GPC6: variants seen among roughly 807,000 people sequenced by gnomAD.
GPC6 encodes the protein glypican-6.
A neutral mutation model predicts 55.2 loss-of-function variants in GPC6; 14 were observed. The ratio of observed to expected loss-of-function variants is 0.25; its 90% CI spans 0.17 to 0.40. GPC6 has a LOEUF of 0.40. Ranked by LOEUF, GPC6 falls within the 10% of genes least tolerant of loss-of-function variation. GPC6 has a pLI of 1.00. For missense variants in GPC6, 641 were observed against 708.5 expected, an observed-to-expected ratio of 0.90 and a Z score of 1.08; for synonymous variants, 278 against 259.6, an observed-to-expected ratio of 1.07 and a Z score of -0.68.
chr13:94,036,693 A>G (rs1385182171), intron 4 of GPC6, among the ~76,000 whole-genome samples: 1 of 152,034 alleles, frequency 6.6e-6, no homozygotes, highest in African/African-American at 2.4e-5. Flanking sequence ...AAGAGCTGGT[A>G]GAGTTTTCAG....
intron 2 of GPC6, among the ~76,000 whole-genome samples, chr13:93,654,656 T>C (rs1489186319): frequency 6.6e-6 from 1 of 152,176 alleles, no homozygotes; most frequent in Non-Finnish European, 1.5e-5. Context: ...CTATGATTTC[T>C]GTAGTTAGAA....
At chr13:94,104,841 T>C (rs1885995990) in intron 4 of GPC6, among the ~76,000 whole-genome samples, 1 of 152,030 alleles carries the variant, frequency 6.6e-6, no homozygotes. Context: ...GGAAGAACAT[T>C]CCATGCTCAT....
At chr13:93,976,529 G>C (rs1880525391) in intron 3 of GPC6, among the ~76,000 whole-genome samples, 2 of 151,648 alleles carry the variant, frequency 1.3e-5, no homozygotes, top group Admixed American at 6.6e-5. Context: ...TAAAAGAAAT[G>C]TATAAAGGGA....
intron 3 of GPC6, among the ~76,000 whole-genome samples, chr13:93,873,941 C>A (rs1303976361): frequency 1.3e-5 from 2 of 151,954 alleles, no homozygotes. Context: ...CTCCACTGCT[C>A]CACCTTACTC....
intron 1 of GPC6, among the ~76,000 whole-genome samples, chr13:93,439,709 T>TG (rs1348123137): frequency 5.2e-4 from 78 of 149,520 alleles, no homozygotes; most frequent in African/African-American, 1.9e-3. Flanking sequence ...TAAAATAAAA[T>TG]AAAATAAAAT....
chr13:94,144,381 C>T (rs905606569), intron 4 of GPC6, among the ~76,000 whole-genome samples: 1 of 149,542 alleles, frequency 6.7e-6, no homozygotes, highest in African/African-American at 2.5e-5. Flanking sequence ...GGCCTCTACT[C>T]TTTGCCTCTT....
At chr13:93,994,501 A>G (rs1881450141) in intron 3 of GPC6, among the ~76,000 whole-genome samples, 1 of 152,174 alleles carries the variant, frequency 6.6e-6, no homozygotes, top group African/African-American at 2.4e-5. Flanking sequence ...AAACCAGGTT[A>G]GGAATTATTG....
At chr13:93,219,151 T>C in the GPC6 span, among the ~76,000 whole-genome samples, 31 of 151,380 alleles carry the variant, frequency 2.0e-4, 1 homozygote, top group South Asian at 4.2e-3. Flanking sequence ...TGGAGTGCAG[T>C]GGTATGATCT....
chr13:93,737,896 T>C (rs942931816), intron 2 of GPC6, among the ~76,000 whole-genome samples: 1 of 152,072 alleles, frequency 6.6e-6, no homozygotes, highest in African/African-American at 2.4e-5. Flanking sequence ...AGCAGAAGTA[T>C]GTTTTTAAAA....
At chr13:94,137,625 GGT>G (rs1887230269) in intron 4 of GPC6, among the ~76,000 whole-genome samples, 1 of 152,046 alleles carries the variant, frequency 6.6e-6, no homozygotes, top group African/African-American at 2.4e-5. Flanking sequence ...ATACTGTGAT[GGT>G]TGCTATATGA....
At chr13:94,329,940 T>C (rs529537747) in intron 6 of GPC6, among the ~76,000 whole-genome samples, 5 of 152,326 alleles carry the variant, frequency 3.3e-5, no homozygotes, top group African/African-American at 9.6e-5. Context: ...TTTCATCATG[T>C]AGTGATTCAT....
rs79655767 is a variant in GPC6, at chr13:93,693,279, G to A, written c.320-136875G>A. 8.6e-3 allele frequency among the ~76,000 whole-genome samples: 1,303 copies of A among 152,120 alleles called. 23 individuals are homozygous for A. The highest frequency in any genetic ancestry group is 0.024 in the African/African-American group (982 of 41,508). On this transcript the variant is annotated intron_variant, in intron 2 of 8. Transcript: ENST00000377047. ...AAATAACAATCAAGGTAATTAATACGTCTAAAACAGTAAAGGTAGTTTAAA... is the reference window on the plus strand; with the variant it reads ...AAATAACAATCAAGGTAATTAATACATCTAAAACAGTAAAGGTAGTTTAAA...
chr13:93,307,040 T>G (rs1878883471), intron 1 of GPC6, among the ~76,000 whole-genome samples: 1 of 152,142 alleles, frequency 6.6e-6, no homozygotes, highest in South Asian at 2.1e-4. Context: ...GAATTTTTAT[T>G]TTTTTATTTC....
intron 3 of GPC6, among the ~76,000 whole-genome samples, chr13:93,870,312 TC>T (rs1217800855): frequency 6.6e-6 from 1 of 151,868 alleles, no homozygotes; most frequent in Non-Finnish European, 1.5e-5. Flanking sequence ...TCATCATTCT[TC>T]TTGCTGTTAT....
At chr13:94,048,345 C>T (rs1456196080) in intron 4 of GPC6, among the ~76,000 whole-genome samples, 1 of 151,918 alleles carries the variant, frequency 6.6e-6, no homozygotes, top group Admixed American at 6.6e-5. Context: ...TAAGAAATGG[C>T]ATTGATTTTC....
intron 1 of GPC6, among the ~76,000 whole-genome samples, chr13:93,265,681 G>A (rs926030285): frequency 6.6e-6 from 1 of 152,166 alleles, no homozygotes; most frequent in Non-Finnish European, 1.5e-5. Flanking sequence ...TTACACTGGT[G>A]TATGTGTATA....
chr13:93,632,176 C>T (rs1030911732), intron 2 of GPC6, among the ~76,000 whole-genome samples: 5 of 152,160 alleles, frequency 3.3e-5, no homozygotes, highest in Non-Finnish European at 7.4e-5. Context: ...GAGATGTCAA[C>T]TTAGAAACTT....
At chr13:93,834,141 G>A (rs770466530) in intron 3 of GPC6, among the ~76,000 whole-genome samples, 8 of 152,080 alleles carry the variant, frequency 5.3e-5, no homozygotes, top group East Asian at 1.9e-4. Flanking sequence ...AATTTCATCC[G>A]GATAAACTGT....
intron 2 of GPC6, among the ~76,000 whole-genome samples, chr13:93,817,806 C>CTCT (rs1308006721): frequency 2.6e-5 from 4 of 151,598 alleles, no homozygotes; most frequent in Non-Finnish European, 5.9e-5. Context: ...GTTGCAGAGC[C>CTCT]GAGATGGTGC....
Sources: gnomAD v4.1 joint callset for allele counts (sites outside exome capture counted in the v4.1 genomes callset) on GRCh38, gnomAD v4.1.1 for gene constraint, MANE v1.5 for transcripts, NCBI Gene and HGNC (gene_info 2026-07-23, HGNC 2026-07-21) for gene names.